The following ZNF385D variants were observed in gnomAD, a reference collection of about 807,000 sequenced individuals.
ZNF385D encodes the protein zinc finger protein 385D, also known as zinc finger protein 659.
In ZNF385D, 15 loss-of-function variants were observed where a neutral mutation model predicts 35.8. The ratio of observed to expected loss-of-function variants is 0.42; its 90% confidence interval spans 0.28 to 0.64. ZNF385D has a LOEUF of 0.64. ZNF385D is among the 30% of genes least tolerant of loss of function. The pLI is 0.23. For synonymous variants in ZNF385D, 212 were observed against 186.8 expected (o/e 1.13, Z -1.10); for missense variants, 474 against 494.6 (o/e 0.96, Z 0.39).
intron 3 of ZNF385D, among the ~76,000 whole-genome samples, chr3:21,951,038 T>C (rs1263459940): frequency 1.3e-5 from 2 of 151,762 alleles, no homozygotes; most frequent in Admixed American, 6.6e-5. Flanking sequence ...GGCTCTTTTT[T>C]GGTTCTCATT....
chr3:21,473,225 G>C (rs912703437), intron 4 of ZNF385D, among the ~76,000 whole-genome samples: 1 of 151,990 alleles, frequency 6.6e-6, no homozygotes, highest in African/African-American at 2.4e-5. Flanking sequence ...GCTCCTGTCT[G>C]CTTGAAGGTC....
intron 3 of ZNF385D, among the ~76,000 whole-genome samples, chr3:21,923,686 AC>A (rs138823100): frequency 0.071 from 10,874 of 152,250 alleles, 1,258 homozygotes; most frequent in African/African-American, 0.24. Context: ...ATAAAAAAGA[AC>A]AAAATTATGT....
chr3:21,921,719 G>A (rs7645483), intron 3 of ZNF385D, among the ~76,000 whole-genome samples: 80,948 of 151,404 alleles, frequency 0.53, 23,706 homozygotes, highest in South Asian at 0.66. Flanking sequence ...ATACCTCTAC[G>A]CTCACAAACT....
intron 5 of ZNF385D, among the ~76,000 whole-genome samples, chr3:21,436,641 A>G (rs569644283): frequency 6.6e-6 from 1 of 152,264 alleles, no homozygotes; most frequent in African/African-American, 2.4e-5. Flanking sequence ...AGAAAATGTC[A>G]TTTAGATGCA....
intron 2 of ZNF385D, among the ~76,000 whole-genome samples, chr3:22,283,904 AAGTTCTTTT>A (rs1354059428): frequency 6.6e-6 from 1 of 152,118 alleles, no homozygotes; most frequent in Non-Finnish European, 1.5e-5. Context: ...TCTGACCCTC[AAGTTCTTTT>A]AGTTCTTTAG....
intron 2 of ZNF385D, among the ~76,000 whole-genome samples, chr3:22,236,057 G>GA (rs1699165863): frequency 6.6e-6 from 1 of 151,730 alleles, no homozygotes; most frequent in South Asian, 2.1e-4. Flanking sequence ...GGAATTTGGG[G>GA]AAAAAAAGGA....
intron 3 of ZNF385D, among the ~76,000 whole-genome samples, chr3:21,805,383 T>C: frequency 6.6e-6 from 1 of 152,244 alleles, no homozygotes; most frequent in Non-Finnish European, 1.5e-5. Flanking sequence ...TTTCACCATG[T>C]GGACTCATAA....
chr3:22,209,564 T>A (rs768972629), intron 2 of ZNF385D, among the ~76,000 whole-genome samples: 3 of 151,924 alleles, frequency 2.0e-5, no homozygotes, highest in African/African-American at 7.2e-5. Flanking sequence ...AACCACTTAT[T>A]TTTGTTCCAT....
chr3:21,595,862 G>T lies in ZNF385D; in HGVS notation c.166-31178C>A, dbSNP rs923335216. On this transcript the variant is annotated intron_variant, in intron 2 of 7. Transcript: ENST00000281523. ...TAAAGTAAAGAAGATAGTCACGAAG[G>T]TCTAGAGTGATCTTTCATGAATACC... Among the ~76,000 whole-genome samples the T allele has an allele frequency of 2.6e-5, 4 of 152,284 alleles. No individual in the cohort carries two copies. In the East Asian group the frequency reaches 7.7e-4, roughly 29 times the overall value.
At chr3:21,807,134 T>C (rs540995290) in intron 3 of ZNF385D, among the ~76,000 whole-genome samples, 1 of 152,336 alleles carries the variant, frequency 6.6e-6, no homozygotes, top group African/African-American at 2.4e-5. Context: ...TTTTCAATCT[T>C]CTAAAAGTTG....
intron 2 of ZNF385D, among the ~76,000 whole-genome samples, chr3:22,178,663 G>A (rs1400040992): frequency 1.3e-5 from 2 of 152,146 alleles, no homozygotes; most frequent in Non-Finnish European, 2.9e-5. Flanking sequence ...TGCCCCCCAT[G>A]CCTATGTCCT....
intron 3 of ZNF385D, among the ~76,000 whole-genome samples, chr3:21,808,714 T>C (rs1243124972): frequency 1.3e-5 from 2 of 152,034 alleles, no homozygotes; most frequent in African/African-American, 4.8e-5. Flanking sequence ...TGGACAGGAG[T>C]GATCTGAATG....
intron 3 of ZNF385D, among the ~76,000 whole-genome samples, chr3:21,757,018 G>C (rs907800364): frequency 3.5e-5 from 5 of 144,910 alleles, no homozygotes; most frequent in African/African-American, 5.1e-5. Context: ...TTGCCTACAA[G>C]AAAAAAGTAC....
intron 3 of ZNF385D, among the ~76,000 whole-genome samples, chr3:21,913,503 TAC>T (rs1700062985): frequency 6.6e-6 from 1 of 152,126 alleles, no homozygotes; most frequent in African/African-American, 2.4e-5. Context: ...TGCTCATCCT[TAC>T]AGTGTTGGCA....
chr3:22,244,602 CAAAGTA>C lies in ZNF385D; in HGVS notation c.107-75573_107-75568del, dbSNP rs927131764. On this transcript the variant is annotated intron_variant, in intron 2 of 5. Transcript: ENST00000494108. Reference sequence around the variant, plus strand: ...TGTCCCTTTCAAGTACATCAGCTCTCAAAGTAAAATTGTTAAGTTTGAAATAGTATG... The same window carrying C: ...TGTCCCTTTCAAGTACATCAGCTCTCAAATTGTTAAGTTTGAAATAGTATG... Among the ~76,000 whole-genome samples, 7 of 150,690 alleles carry C rather than the reference CAAAGTA, an allele frequency of 4.6e-5. 1 individual carries two copies. Among genetic ancestry groups the C allele is most frequent in the African/African-American group, 1.7e-4 (7 of 40,654 alleles).
At chr3:21,778,004 C>A (rs367938617) in intron 3 of ZNF385D, among the ~76,000 whole-genome samples, 1 of 151,806 alleles carries the variant, frequency 6.6e-6, no homozygotes, top group South Asian at 2.1e-4. Context: ...CAGTGTGTCT[C>A]CAGTAATAGA....
At chr3:21,650,486 G>A (rs1003886625) in intron 2 of ZNF385D, among the ~76,000 whole-genome samples, 1 of 151,898 alleles carries the variant, frequency 6.6e-6, no homozygotes, top group Non-Finnish European at 1.5e-5. Flanking sequence ...CAATATCTAC[G>A]TGCATTTATT....
chr3:21,610,167 T>C (rs978302262), intron 2 of ZNF385D, among the ~76,000 whole-genome samples: 3 of 151,866 alleles, frequency 2.0e-5, no homozygotes, highest in East Asian at 1.9e-4. Context: ...TGTTTATGCA[T>C]ATATATGCAT....
chr3:21,720,134 C>T (rs1008996503), intron 1 of ZNF385D, among the ~76,000 whole-genome samples: 8 of 152,152 alleles, frequency 5.3e-5, no homozygotes, highest in Non-Finnish European at 2.9e-5. Context: ...ATGGCCTGGG[C>T]ATTGGAATTT....
Sources: gnomAD v4.1 joint callset for allele counts (sites outside exome capture counted in the v4.1 genomes callset) on GRCh38, gnomAD v4.1.1 for gene constraint, MANE v1.5 for transcripts, NCBI Gene and HGNC (gene_info 2026-07-23, HGNC 2026-07-21) for gene names.